Variants in SAMD5 observed in about 807,000 individuals in gnomAD.
SAMD5 encodes sterile alpha motif domain containing 5, also known as sterile alpha motif domain-containing protein 5.
Under a neutral mutation model 11.3 loss-of-function variants are expected in SAMD5, and 13 were observed. The ratio of observed to expected loss-of-function variants is 1.15; its 90% CI spans 0.75 to 1.83. The LOEUF is 1.83. SAMD5 is among the 40% of genes most tolerant of loss of function. SAMD5 has a pLI of 0.00. For synonymous variants in SAMD5, 129 were observed against 111.3 expected (o/e 1.16, Z -1.00); for missense variants, 255 against 239.1 (o/e 1.07, Z -0.44).
the SAMD5 span, among the ~76,000 whole-genome samples, chr6:147,832,486 C>G: frequency 6.6e-6 from 1 of 152,162 alleles, no homozygotes; most frequent in Non-Finnish European, 1.5e-5. Context: ...TCCCTGCAAT[C>G]TGTCTAGTCT....
chr6:147,947,968 C>T, the SAMD5 span, among the ~76,000 whole-genome samples: 1 of 151,866 alleles, frequency 6.6e-6, no homozygotes, highest in African/African-American at 2.4e-5. Context: ...TTACCCAGAA[C>T]CTCCTTTGCT....
intron 1 of SAMD5, among the ~76,000 whole-genome samples, chr6:147,539,586 G>C (rs1462096621): frequency 6.6e-6 from 1 of 151,806 alleles, no homozygotes; most frequent in Non-Finnish European, 1.5e-5. Flanking sequence ...GAAAACAGAG[G>C]TTTTTGTTTT....
intron 1 of SAMD5, among the ~76,000 whole-genome samples, chr6:147,593,501 T>C (rs1039323632): frequency 1.3e-5 from 2 of 152,168 alleles, no homozygotes; most frequent in Non-Finnish European, 2.9e-5. Context: ...ATAAATTTGG[T>C]ATATTCTTTA....
the SAMD5 span, among the ~76,000 whole-genome samples, chr6:147,866,977 G>T: frequency 1.3e-5 from 2 of 152,152 alleles, no homozygotes; most frequent in African/African-American, 4.8e-5. Context: ...GAGAAAGTCT[G>T]TATGAGAAGG....
chr6:147,861,277 G>C, the SAMD5 span, among the ~76,000 whole-genome samples: 7 of 152,034 alleles, frequency 4.6e-5, no homozygotes, highest in African/African-American at 1.7e-4. Context: ...CAATTCTCCT[G>C]CCTCAGCCTC....
chr6:147,518,573 G>T (rs960714501), intron 1 of SAMD5, among the ~76,000 whole-genome samples: 12 of 152,132 alleles, frequency 7.9e-5, no homozygotes, highest in African/African-American at 2.7e-4. Context: ...GATGAGGGCT[G>T]GTCCCAGAAA....
chr6:147,749,843 CG>C, the SAMD5 span, among the ~76,000 whole-genome samples: 1 of 152,052 alleles, frequency 6.6e-6, no homozygotes, highest in Non-Finnish European at 1.5e-5. Context: ...TGTGTATATG[CG>C]CATGCGAGTG....
chr6:147,942,030 C>T, the SAMD5 span, among the ~76,000 whole-genome samples: 5 of 152,162 alleles, frequency 3.3e-5, no homozygotes, highest in South Asian at 8.3e-4. Flanking sequence ...CCTGCCACCA[C>T]GCCTGGCTAA....
the SAMD5 span, among the ~76,000 whole-genome samples, chr6:147,941,716 A>G: frequency 6.6e-6 from 1 of 152,156 alleles, no homozygotes; most frequent in African/African-American, 2.4e-5. Context: ...GAGCAACTCA[A>G]TGAGAATGGT....
At chr6:147,535,637 T>C (rs1220468407) in intron 1 of SAMD5, among the ~76,000 whole-genome samples, 1 of 152,234 alleles carries the variant, frequency 6.6e-6, no homozygotes, top group Admixed American at 6.5e-5. Context: ...GTAGCAAGAA[T>C]GATTATTTTT....
the SAMD5 span, among the ~76,000 whole-genome samples, chr6:147,856,347 C>G: frequency 5.0e-4 from 76 of 152,040 alleles, no homozygotes; most frequent in East Asian, 0.014. Context: ...GTTGGGGTGA[C>G]GCATATGTTC....
At chr6:147,811,259 A>G in the SAMD5 span, among the ~76,000 whole-genome samples, 2 of 152,238 alleles carry the variant, frequency 1.3e-5, no homozygotes, top group Admixed American at 1.3e-4. Context: ...ACACTTAAAC[A>G]TCTGGTAACA....
At chr6:147,954,525 G>A in the SAMD5 span, among the ~76,000 whole-genome samples, 1 of 152,074 alleles carries the variant, frequency 6.6e-6, no homozygotes, top group Non-Finnish European at 1.5e-5. Context: ...GGGAGTGTAC[G>A]CTAATGTCCT....
chr6:147,787,813 G>A, the SAMD5 span, among the ~76,000 whole-genome samples: 20 of 152,300 alleles, frequency 1.3e-4, no homozygotes, highest in South Asian at 2.3e-3. Context: ...AAGTGTCATT[G>A]TATCCTTTTC....
Position 147,629,290 on chromosome 6 carries a change from G to A in SAMD5, c.163-108027G>A, listed in dbSNP as rs529740777. 9.9e-5 allele frequency among the ~76,000 whole-genome samples: 15 copies of A among 151,426 alleles called. No homozygotes were observed. The East Asian group carries it at 2.5e-3, about 26-fold the overall frequency. On this transcript the variant is annotated intron_variant, in intron 1 of 1. Coordinates refer to the SAMD5 transcript ENST00000566741. The stretch of plus-strand genomic sequence containing the variant: ...TGTGTCATTGCACTCCAGCCTTGGC[G>A]ACAAGAGCAAAGCTCCATCCAAAAA...
intron 1 of SAMD5, among the ~76,000 whole-genome samples, chr6:147,513,662 G>A (rs1339708853): frequency 1.3e-5 from 2 of 152,152 alleles, no homozygotes; most frequent in South Asian, 2.1e-4. Flanking sequence ...CTGTAAGTAT[G>A]TTTTATTTTC....
At chr6:147,652,109 C>T (rs1790494131) in intron 1 of SAMD5, among the ~76,000 whole-genome samples, 1 of 152,174 alleles carries the variant, frequency 6.6e-6, no homozygotes, top group South Asian at 2.1e-4. Flanking sequence ...TGAAAGGAGA[C>T]AAAGGTGCAT....
the SAMD5 span, among the ~76,000 whole-genome samples, chr6:147,921,498 T>G: frequency 6.6e-6 from 1 of 152,162 alleles, no homozygotes; most frequent in South Asian, 2.1e-4. Flanking sequence ...ACTACACTAG[T>G]GTCAACTCAT....
the SAMD5 span, among the ~76,000 whole-genome samples, chr6:147,754,470 C>T: frequency 1.5e-4 from 22 of 149,942 alleles, no homozygotes; most frequent in African/African-American, 4.9e-4. Flanking sequence ...AATCCTTTGT[C>T]AGATGGGTAG....
Sources: allele counts gnomAD v4.1 joint callset (sites outside exome capture counted in the v4.1 genomes callset), GRCh38; gene constraint gnomAD v4.1.1; transcripts MANE v1.5; gene names NCBI Gene and HGNC (gene_info 2026-07-23, HGNC 2026-07-21).